NEK10: variants seen among roughly 807,000 people sequenced by gnomAD.
NEK10 encodes the protein NIMA related kinase 10.
Under a neutral mutation model 159.8 loss-of-function variants are expected in NEK10, and 122 were observed. That is an observed-to-expected ratio of 0.76 (90% CI 0.66 to 0.89). The LOEUF (loss-of-function observed/expected upper bound fraction) is 0.89, where lower values mean the gene tolerates loss of function less well. Among genes scored for constraint, NEK10 ranks in the 40% least tolerant of loss-of-function variants. NEK10 has a pLI of 0.00. For missense variants in NEK10, 1,342 were observed against 1,323.1 expected (o/e 1.01, Z -0.22); for synonymous variants, 466 against 457.1 (o/e 1.02, Z -0.25).
At chr3:27,187,760 C>CAAA (rs34803938) in intron 26 of NEK10, among the ~76,000 whole-genome samples, 2 of 129,168 alleles carry the variant, frequency 1.5e-5, no homozygotes, top group Non-Finnish European at 1.7e-5. Context: ...GACTCCATCT[C>CAAA]AAAAAAAAAA....
At position 27,154,291 on chromosome 3, in the gene NEK10, G is replaced by T. The variant is rs1366610357; in HGVS notation, c.2869+8410C>A. ...TGAACAGACCTATAACAAGCAGTGA[G>T]ACTGAAATGGTAACTTAAAAATTAC... On this transcript the variant is annotated intron_variant, in intron 30 of 35. Coordinates refer to ENST00000691995, the MANE Select transcript of NEK10 (RefSeq NM_001394966.1). Among the ~76,000 whole-genome samples, 8 of 152,230 alleles carry T rather than the reference G, an allele frequency of 5.3e-5. No homozygotes were observed. In the East Asian group the frequency reaches 1.5e-3, roughly 29 times the overall value.
intron 23 of NEK10, among the ~76,000 whole-genome samples, chr3:27,228,812 C>T (rs1210062267): frequency 6.6e-6 from 1 of 152,142 alleles, no homozygotes; most frequent in Non-Finnish European, 1.5e-5. Flanking sequence ...AGCTGGAACT[C>T]TGGGATAGGA....
intron 11 of NEK10, among the ~76,000 whole-genome samples, chr3:27,305,385 G>A (rs564671128): frequency 2.6e-5 from 4 of 152,154 alleles, no homozygotes; most frequent in African/African-American, 7.2e-5. Context: ...TTGGCAGGGC[G>A]TGGTGGTGTG....
intron 29 of NEK10, among the ~76,000 whole-genome samples, chr3:27,163,170 T>C (rs890601194): frequency 6.6e-6 from 1 of 152,162 alleles, no homozygotes; most frequent in African/African-American, 2.4e-5. Context: ...AAAATAATTA[T>C]CTTTCCTAAA....
At chr3:27,214,024 T>C (rs1951257522) in intron 23 of NEK10, among the ~76,000 whole-genome samples, 2 of 152,228 alleles carry the variant, frequency 1.3e-5, no homozygotes, top group African/African-American at 4.8e-5. Flanking sequence ...TTCATCTACA[T>C]GATAAGAACC....
chr3:27,356,813 G>A (rs189227900), intron 1 of NEK10, among the ~76,000 whole-genome samples: 19 of 152,124 alleles, frequency 1.2e-4, no homozygotes, highest in African/African-American at 4.3e-4. Flanking sequence ...CATCAACATC[G>A]GAAATCCTCT....
chr3:27,258,739 T>C (rs1474180272), intron 22 of NEK10, among the ~76,000 whole-genome samples: 4 of 152,198 alleles, frequency 2.6e-5, no homozygotes, highest in Non-Finnish European at 5.9e-5. Context: ...TACCCAGTAA[T>C]GGGATGGCTG....
At position 27,131,864 on chromosome 3, in the gene NEK10, A is replaced by G. The variant is rs777874902; in HGVS notation, c.3081+16T>C. The G allele has an allele frequency of 2.8e-5, 39 of 1,398,768 alleles. No individual in the cohort carries two copies. The South Asian group carries it at 4.1e-4, about 15-fold the overall frequency. The allele number at this position is 1,398,768 out of a possible 1,614,324, so 86.6% of individuals were successfully genotyped here. On this transcript the variant is annotated intron_variant, in intron 32 of 35. Transcript: ENST00000691995. ...GTTTTGTCAGCAAAAGAATTCCTATATATAGAATACCATACCTTTTTAATT... is the reference window on the plus strand; with the variant it reads ...GTTTTGTCAGCAAAAGAATTCCTATGTATAGAATACCATACCTTTTTAATT...
Position 27,290,502 on chromosome 3 carries a change from A to C in NEK10, c.1743+115T>G, listed in dbSNP as rs1263440259. 4 of 742,492 alleles carry C rather than the reference A, an allele frequency of 5.4e-6. No individual in the cohort carries two copies. The African/African-American group carries it at 7.1e-5, about 13-fold the overall frequency. 46.0% of individuals were successfully genotyped at this position (742,492 alleles called of 1,614,324 possible). The stretch of plus-strand genomic sequence containing the variant: ...CAAAAATATCACTGCTTCAGTGTCA[A>C]TTATTTCACATGGAACTAGTTCATA... On this transcript the variant is annotated intron_variant, in intron 19 of 35. Transcript: ENST00000691995.
At chr3:27,167,366 A>G (rs551425892) in intron 29 of NEK10, among the ~76,000 whole-genome samples, 1 of 152,204 alleles carries the variant, frequency 6.6e-6, no homozygotes, top group Non-Finnish European at 1.5e-5. Context: ...AATTAGGCAT[A>G]GTTTGGCGCA....
At chr3:27,141,618 C>G (rs764394795) in intron 30 of NEK10, 36 bp from the exon 31 acceptor site, 2 of 1,508,506 alleles carry the variant, frequency 1.3e-6, no homozygotes, top group South Asian at 2.3e-5. Flanking sequence ...GTCAAGTTCT[C>G]TTTCAAAAGT....
At chr3:27,282,669 ATACATAACTGTGT>A (rs2042286795) in intron 22 of NEK10, among the ~76,000 whole-genome samples, 3 of 143,074 alleles carry the variant, frequency 2.1e-5, no homozygotes, top group African/African-American at 7.9e-5. Flanking sequence ...TGTTATATAT[ATACATAACTGTGT>A]TATATATATA....
intron 22 of NEK10, among the ~76,000 whole-genome samples, chr3:27,272,900 C>T (rs890434469): frequency 2.6e-5 from 4 of 152,220 alleles, no homozygotes; most frequent in African/African-American, 9.6e-5. Flanking sequence ...ACTTCCTTCT[C>T]TGAAGGTCAC....
At chr3:27,124,619 A>G (rs1421938034) in intron 32 of NEK10, among the ~76,000 whole-genome samples, 1 of 152,362 alleles carries the variant, frequency 6.6e-6, no homozygotes, top group East Asian at 1.9e-4. Context: ...TAGTGACTAC[A>G]GACTACTCAG....
chr3:27,122,090 T>C (rs1941396551), intron 32 of NEK10, among the ~76,000 whole-genome samples: 1 of 152,220 alleles, frequency 6.6e-6, no homozygotes, highest in Admixed American at 6.5e-5. Flanking sequence ...TATATGATTA[T>C]ATCCATTTTT....
chr3:27,248,253 TC>T lies in NEK10; in HGVS notation c.2090+8042del, dbSNP rs1955294312. Reference sequence around the variant, plus strand: ...CCTGATTGTATTTATTTGGGTCTTCTCCCTTTTTTTTAGTCTGTCTAAAGGT... The same window carrying T: ...CCTGATTGTATTTATTTGGGTCTTCTCCTTTTTTTTAGTCTGTCTAAAGGT... On this transcript the variant is annotated intron_variant, in intron 23 of 35. Coordinates refer to ENST00000691995, the MANE Select transcript of NEK10 (RefSeq NM_001394966.1). Among the ~76,000 whole-genome samples the T allele has an allele frequency of 3.9e-5, 6 of 152,284 alleles. No individual in the cohort carries two copies. The South Asian group carries it at 1.2e-3, about 32-fold the overall frequency.
At chr3:27,286,042 T>C (rs2042566626) in intron 20 of NEK10, among the ~76,000 whole-genome samples, 1 of 151,438 alleles carries the variant, frequency 6.6e-6, no homozygotes, top group African/African-American at 2.4e-5. Flanking sequence ...CTAATCTATT[T>C]TATCATATTT....
chr3:27,164,434 G>A lies in NEK10; in HGVS notation c.2832-1696C>T, dbSNP rs894240188. 6.6e-5 allele frequency among the ~76,000 whole-genome samples: 10 copies of A among 152,266 alleles called. No individual in the cohort carries two copies. The East Asian group carries it at 1.9e-3, about 29-fold the overall frequency. ...TTGTAAGCATCAAACATAATTTTAA[G>A]TTTTCTGGTAGCCACATTTTCAAAA... On this transcript the variant is annotated intron_variant, in intron 29 of 35. Coordinates refer to ENST00000691995, the MANE Select transcript of NEK10 (RefSeq NM_001394966.1).
intron 30 of NEK10, among the ~76,000 whole-genome samples, chr3:27,145,241 T>C (rs2148708082): frequency 6.6e-6 from 1 of 152,312 alleles, no homozygotes; most frequent in South Asian, 2.1e-4. Flanking sequence ...TCACAGTTCA[T>C]GTGCAATGTC....
Sources: allele counts gnomAD v4.1 joint callset (sites outside exome capture counted in the v4.1 genomes callset), GRCh38; gene constraint gnomAD v4.1.1; transcripts MANE v1.5; gene names NCBI Gene and HGNC (gene_info 2026-07-23, HGNC 2026-07-21).